Variants in DNER observed in about 807,000 individuals in gnomAD.
DNER encodes delta and Notch-like epidermal growth factor-related receptor.
DNER carries 33 observed loss-of-function variants against 78.2 expected under a neutral mutation model. The observed-to-expected ratio is 0.42, with a 90% CI of 0.32 to 0.56. DNER has a LOEUF of 0.56. DNER is among the 20% of genes least tolerant of loss of function. The pLI, the probability that DNER is intolerant of heterozygous loss-of-function variation, is 0.11. For synonymous variants in DNER, 417 were observed against 384.8 expected (o/e 1.08, Z -0.98); for missense variants, 918 against 975.3 (o/e 0.94, Z 0.78).
At chr2:229,548,486 A>G (rs566553163) in intron 4 of DNER, among the ~76,000 whole-genome samples, 2 of 152,288 alleles carry the variant, frequency 1.3e-5, no homozygotes, top group Admixed American at 6.5e-5. Flanking sequence ...GCAAACTATC[A>G]CAAGATCAGA....
At chr2:229,397,666 C>T (rs1051452652) in intron 10 of DNER, among the ~76,000 whole-genome samples, 7 of 151,960 alleles carry the variant, frequency 4.6e-5, no homozygotes, top group Non-Finnish European at 7.4e-5. Context: ...GAGTTGAAAT[C>T]GTAGAGTGTT....
At chr2:229,363,001 A>T (rs956545881) in intron 12 of DNER, among the ~76,000 whole-genome samples, 24 of 152,198 alleles carry the variant, frequency 1.6e-4, no homozygotes, top group Non-Finnish European at 3.4e-4. Context: ...CATGTCCTCC[A>T]TTGTCTTTTT....
At chr2:229,644,522 T>C (rs942349048) in intron 1 of DNER, among the ~76,000 whole-genome samples, 1 of 152,192 alleles carries the variant, frequency 6.6e-6, no homozygotes, top group Admixed American at 6.5e-5. Context: ...AATTTTCATA[T>C]TTTTAGTAGA....
At chr2:229,481,326 G>A (rs12475633) in intron 6 of DNER, among the ~76,000 whole-genome samples, 18,979 of 152,166 alleles carry the variant, frequency 0.12, 1,326 homozygotes, top group South Asian at 0.2. Flanking sequence ...ATCATCAACT[G>A]TATTACTCCC....
intron 4 of DNER, among the ~76,000 whole-genome samples, chr2:229,564,530 CCAT>C (rs202150868): frequency 1.4e-4 from 20 of 142,616 alleles, no homozygotes; most frequent in African/African-American, 4.1e-4. Flanking sequence ...TACCCCATCA[CCAT>C]CATCATCATC....
intron 1 of DNER, among the ~76,000 whole-genome samples, chr2:229,653,899 C>T (rs970929110): frequency 6.6e-6 from 1 of 152,154 alleles, no homozygotes; most frequent in Admixed American, 6.5e-5. Context: ...GTAAGATTAA[C>T]CATGCTGCAA....
chr2:229,387,914 ACT>A (rs1436581366), intron 11 of DNER, among the ~76,000 whole-genome samples: 3 of 150,646 alleles, frequency 2.0e-5, no homozygotes, highest in South Asian at 2.1e-4. Flanking sequence ...CAACACAAAG[ACT>A]CTATTTTTTT....
chr2:229,361,546 T>C (rs1290495480), intron 12 of DNER, among the ~76,000 whole-genome samples: 3 of 152,140 alleles, frequency 2.0e-5, no homozygotes, highest in Non-Finnish European at 2.9e-5. Flanking sequence ...CAGGACAATA[T>C]GGCCTGCAAA....
intron 8 of DNER, among the ~76,000 whole-genome samples, chr2:229,418,792 G>A (rs1024262908): frequency 6.6e-6 from 1 of 151,998 alleles, no homozygotes; most frequent in African/African-American, 2.4e-5. Flanking sequence ...GTGGTGGCGG[G>A]CGCCTGTAAT....
intron 5 of DNER, among the ~76,000 whole-genome samples, chr2:229,538,041 A>G (rs949874225): frequency 4.6e-5 from 7 of 152,298 alleles, no homozygotes; most frequent in Admixed American, 4.6e-4. Flanking sequence ...GAAAATCTAG[A>G]CAGGCTTATT....
intron 5 of DNER, among the ~76,000 whole-genome samples, chr2:229,519,555 CA>C: frequency 6.6e-6 from 1 of 151,862 alleles, no homozygotes; most frequent in Admixed American, 6.6e-5. Flanking sequence ...AGAACAGACT[CA>C]AAAAAGAGGT....
chr2:229,485,555 T>C (rs978959), intron 6 of DNER, among the ~76,000 whole-genome samples: 18,042 of 152,212 alleles, frequency 0.12, 1,274 homozygotes, highest in South Asian at 0.2. Flanking sequence ...ATCTGAGTGA[T>C]ATCTTTTGAT....
chr2:229,423,387 G>T (rs1693806750), intron 8 of DNER, among the ~76,000 whole-genome samples: 1 of 152,062 alleles, frequency 6.6e-6, no homozygotes, highest in Admixed American at 6.6e-5. Context: ...GGCTGAGGCA[G>T]GTGGATCACT....
At chr2:229,430,297 T>C (rs1009009742) in intron 8 of DNER, among the ~76,000 whole-genome samples, 1 of 152,216 alleles carries the variant, frequency 6.6e-6, no homozygotes, top group Non-Finnish European at 1.5e-5. Context: ...TGATGGTTAA[T>C]ACTGATTAAC....
intron 1 of DNER, among the ~76,000 whole-genome samples, chr2:229,684,666 A>G (rs1699454680): frequency 6.6e-6 from 1 of 152,176 alleles, no homozygotes; most frequent in South Asian, 2.1e-4. Context: ...AGTGAGTGAC[A>G]GAAGTATTAT....
chr2:229,365,356 C>T (rs987223692), intron 12 of DNER, among the ~76,000 whole-genome samples: 3 of 152,126 alleles, frequency 2.0e-5, no homozygotes, highest in Admixed American at 6.5e-5. Flanking sequence ...ATAAAAAGTC[C>T]TTGATGGAAA....
intron 1 of DNER, among the ~76,000 whole-genome samples, chr2:229,686,060 G>A (rs899048407): frequency 6.6e-6 from 1 of 152,182 alleles, no homozygotes; most frequent in African/African-American, 2.4e-5. Flanking sequence ...GCCCCTCTGA[G>A]AATGGGATGG....
chr2:229,447,662 T>C, intron 7 of DNER, 122 bp from the exon 8 acceptor site: 1 of 1,102,696 alleles, frequency 9.1e-7, no homozygotes, highest in South Asian at 1.6e-5. Context: ...TCCAGATATG[T>C]CACAACCCAA....
chr2:229,640,248 C>A (rs898034506), intron 1 of DNER, among the ~76,000 whole-genome samples: 1 of 152,220 alleles, frequency 6.6e-6, no homozygotes, highest in African/African-American at 2.4e-5. Context: ...GGCAGGCCTT[C>A]GCCTCCTCTG....
Sources: allele counts gnomAD v4.1 joint callset (sites outside exome capture counted in the v4.1 genomes callset), GRCh38; gene constraint gnomAD v4.1.1; transcripts MANE v1.5; gene names NCBI Gene and HGNC (gene_info 2026-07-23, HGNC 2026-07-21).